The following PTPRD variants were observed in gnomAD, a reference collection of about 807,000 sequenced individuals.
The protein encoded by PTPRD is receptor-type tyrosine-protein phosphatase delta.
A neutral mutation model predicts 214.5 loss-of-function variants in PTPRD; 34 were observed. The observed-to-expected ratio is 0.16, with a 90% CI of 0.12 to 0.21. The LOEUF (loss-of-function observed/expected upper bound fraction) is 0.21. PTPRD is among the 10% of genes least tolerant of loss of function. The probability of loss-of-function intolerance (pLI) is 1.00; values close to 1 mark genes in which losing one functional copy is unlikely to be tolerated. For synonymous variants in PTPRD, 1,128 were observed against 845.7 expected (o/e 1.33, Z -5.79); for missense variants, 2,545 against 2,398.7 (o/e 1.06, Z -1.27).
At chr9:10,022,725 C>T (rs927802463) in intron 4 of PTPRD, among the ~76,000 whole-genome samples, 2 of 152,130 alleles carry the variant, frequency 1.3e-5, no homozygotes, top group African/African-American at 2.4e-5. Flanking sequence ...TTTACATTGA[C>T]TAAGTTTTAT....
intron 9 of PTPRD, among the ~76,000 whole-genome samples, chr9:9,340,165 G>T (rs2046224948): frequency 6.6e-6 from 1 of 152,116 alleles, no homozygotes; most frequent in Non-Finnish European, 1.5e-5. Flanking sequence ...ACTGACTGAT[G>T]GGGATGACTG....
At chr9:8,913,627 C>G (rs908857987) in intron 11 of PTPRD, among the ~76,000 whole-genome samples, 1 of 151,996 alleles carries the variant, frequency 6.6e-6, no homozygotes, top group South Asian at 2.1e-4. Context: ...TTTAGGAATG[C>G]GTTTTGCAAG....
At chr9:10,586,430 G>T (rs1240290253) in intron 2 of PTPRD, among the ~76,000 whole-genome samples, 2 of 151,966 alleles carry the variant, frequency 1.3e-5, no homozygotes, top group African/African-American at 2.4e-5. Context: ...GAGCAATCAT[G>T]AGAACGAAAA....
chr9:9,939,765 A>G (rs2090867959), intron 4 of PTPRD, among the ~76,000 whole-genome samples: 1 of 152,030 alleles, frequency 6.6e-6, no homozygotes, highest in African/African-American at 2.4e-5. Flanking sequence ...GCTAATACTC[A>G]TTTAGCTTAA....
chr9:10,606,859 T>G (rs2079544952), intron 2 of PTPRD, among the ~76,000 whole-genome samples: 1 of 152,098 alleles, frequency 6.6e-6, no homozygotes, highest in Non-Finnish European at 1.5e-5. Flanking sequence ...GTAAAATCTA[T>G]AATTCACAGA....
chr9:10,006,297 T>A (rs1026240463), intron 4 of PTPRD, among the ~76,000 whole-genome samples: 16 of 152,078 alleles, frequency 1.1e-4, no homozygotes, highest in African/African-American at 3.9e-4. Flanking sequence ...ACAATGTGAC[T>A]AGTCTGTGCA....
In PTPRD at chr9:10,363,991, G is replaced by GTTTTTTTTTTTTTTTTTTTTTTT. The variant is rs71270610; in HGVS notation, c.-599-22997_-599-22975dup. On this transcript the variant is annotated intron_variant, in intron 2 of 45. Coordinates refer to ENST00000381196, the MANE Select transcript of PTPRD (RefSeq NM_002839.4). ...ATTATTATTGCCTCCACATTTTCGG[G>GTTTTTTTTTTTTTTTTTTTTTTT]TTTTTTTTTTTTTTTTTTTTTTTTT... 1.1e-4 allele frequency among the ~76,000 whole-genome samples: 4 copies of GTTTTTTTTTTTTTTTTTTTTTTT among 35,132 alleles called. 1 individual carries two copies. Among genetic ancestry groups the GTTTTTTTTTTTTTTTTTTTTTTT allele is most frequent in the African/African-American group, 4.9e-4 (4 of 8,092 alleles). 23.0% of individuals were successfully genotyped at this position (35,132 alleles called of 152,430 possible).
chr9:9,243,216 G>C (rs1266040013), intron 9 of PTPRD, among the ~76,000 whole-genome samples: 2 of 152,020 alleles, frequency 1.3e-5, no homozygotes, highest in African/African-American at 4.8e-5. Flanking sequence ...AGAGGTACAA[G>C]GAGGAGCTGC....
intron 9 of PTPRD, among the ~76,000 whole-genome samples, chr9:9,269,748 G>C (rs923699287): frequency 6.6e-6 from 1 of 151,198 alleles, no homozygotes; most frequent in Non-Finnish European, 1.5e-5. Context: ...AGTGAAATTA[G>C]CTGGACATAG....
chr9:8,584,921 T>A (rs946577121), intron 14 of PTPRD, among the ~76,000 whole-genome samples: 1 of 152,122 alleles, frequency 6.6e-6, no homozygotes, highest in Non-Finnish European at 1.5e-5. Context: ...GCGGGAAAAG[T>A]CCCTTATAAA....
chr9:10,011,332 T>C (rs971096073), intron 4 of PTPRD, among the ~76,000 whole-genome samples: 2 of 152,008 alleles, frequency 1.3e-5, no homozygotes, highest in African/African-American at 4.8e-5. Context: ...CAATTTTCTT[T>C]TCCTTGGTAG....
At chr9:9,961,340 A>T (rs2094350768) in intron 4 of PTPRD, among the ~76,000 whole-genome samples, 1 of 152,168 alleles carries the variant, frequency 6.6e-6, no homozygotes, top group Admixed American at 6.5e-5. Flanking sequence ...TTTGAGAAAC[A>T]ATAGGCAATG....
intron 2 of PTPRD, among the ~76,000 whole-genome samples, chr9:10,349,066 T>C (rs2097138875): frequency 6.6e-6 from 1 of 152,126 alleles, no homozygotes; most frequent in Non-Finnish European, 1.5e-5. Context: ...GATTGTTTCC[T>C]CTGCCTTATT....
chr9:10,562,679 G>A (rs1449937932), intron 2 of PTPRD, among the ~76,000 whole-genome samples: 1 of 151,904 alleles, frequency 6.6e-6, no homozygotes, highest in Admixed American at 6.6e-5. Context: ...ATTGTAATGT[G>A]CCATGCAAAC....
chr9:9,622,305 T>C (rs147341710), intron 7 of PTPRD, among the ~76,000 whole-genome samples: 3 of 152,320 alleles, frequency 2.0e-5, no homozygotes, highest in East Asian at 1.9e-4. Context: ...GGAAGACACA[T>C]ATACCACGCA....
intron 8 of PTPRD, among the ~76,000 whole-genome samples, chr9:9,570,007 A>G (rs1017867782): frequency 6.6e-6 from 1 of 151,194 alleles, no homozygotes; most frequent in Non-Finnish European, 1.5e-5. Flanking sequence ...CAGAACTAGA[A>G]CTCCATTTTT....
At chr9:9,255,817 T>C (rs779913843) in intron 9 of PTPRD, among the ~76,000 whole-genome samples, 22 of 152,060 alleles carry the variant, frequency 1.4e-4, no homozygotes, top group Non-Finnish European at 2.4e-4. Flanking sequence ...TATGACTGTA[T>C]ACTTCATACC....
At chr9:10,506,266 A>G (rs1032640435) in intron 2 of PTPRD, among the ~76,000 whole-genome samples, 2 of 152,148 alleles carry the variant, frequency 1.3e-5, no homozygotes, top group African/African-American at 4.8e-5. Flanking sequence ...CAAAAATAGT[A>G]TGAAGAATTA....
chr9:8,885,318 G>C (rs2098477850), intron 11 of PTPRD, among the ~76,000 whole-genome samples: 1 of 151,912 alleles, frequency 6.6e-6, no homozygotes, highest in Non-Finnish European at 1.5e-5. Context: ...GTTTCTCAGG[G>C]CATGGGATGT....
Sources: allele counts gnomAD v4.1 joint callset (sites outside exome capture counted in the v4.1 genomes callset), GRCh38; gene constraint gnomAD v4.1.1; transcripts MANE v1.5; gene names NCBI Gene and HGNC (gene_info 2026-07-23, HGNC 2026-07-21).